The following RMND1 variants were observed in gnomAD, a reference collection of about 807,000 sequenced individuals.
RMND1 encodes required for meiotic nuclear division 1 homolog.
A neutral mutation model predicts 54.0 loss-of-function variants in RMND1; 41 were observed. The ratio of observed to expected loss-of-function variants is 0.76; its 90% CI spans 0.59 to 0.98. The LOEUF (loss-of-function observed/expected upper bound fraction) is 0.98. RMND1 is among the 50% of genes least tolerant of loss of function. RMND1 has a pLI of 0.00. For missense variants in RMND1, 457 were observed against 532.0 expected (o/e 0.86, Z 1.39); for synonymous variants, 183 against 181.7 (o/e 1.01, Z -0.06).
chr6:151,446,614 T>C (rs1031240510), intron 1 of RMND1, among the ~76,000 whole-genome samples: 1 of 151,650 alleles, frequency 6.6e-6, no homozygotes, highest in Non-Finnish European at 1.5e-5. Flanking sequence ...AAAGTTAGCC[T>C]ATAGTAGGCC....
intron 1 of RMND1, among the ~76,000 whole-genome samples, chr6:151,450,619 A>G (rs1232956074): frequency 6.8e-6 from 1 of 146,450 alleles, no homozygotes; most frequent in African/African-American, 2.6e-5. Context: ...CCCGTCCGGG[A>G]GGTGAGGGGC....
chr6:151,450,961 G>A (rs1053242040), intron 1 of RMND1, among the ~76,000 whole-genome samples: 2 of 152,050 alleles, frequency 1.3e-5, no homozygotes, highest in African/African-American at 4.8e-5. Context: ...ATGGATTAAG[G>A]GCGGTGCAAG....
intron 5 of RMND1, among the ~76,000 whole-genome samples, chr6:151,428,188 G>A (rs1562792497): frequency 6.6e-6 from 1 of 152,266 alleles, no homozygotes; most frequent in East Asian, 1.9e-4. Flanking sequence ...AGGTGTGGGA[G>A]GTGATCATCT....
chr6:151,446,807 T>C (rs1780965123), intron 1 of RMND1, among the ~76,000 whole-genome samples: 1 of 151,498 alleles, frequency 6.6e-6, no homozygotes, highest in South Asian at 2.1e-4. Context: ...GTGGCTGAGA[T>C]ATAGAATCGT....
intron 3 of RMND1, 110 bp downstream of exon 3, chr6:151,436,336 A>T: frequency 8.0e-7 from 1 of 1,249,914 alleles, no homozygotes; most frequent in South Asian, 1.4e-5. Flanking sequence ...TTATGATACA[A>T]TCCTTTCAAA....
chr6:151,408,856 AAG>A (rs1779715223), intron 10 of RMND1: 1 of 152,222 alleles, frequency 6.6e-6, no homozygotes, highest in Admixed American at 6.5e-5. Flanking sequence ...GCAGTCTCCA[AAG>A]AGGAATCAAC....
chr6:151,439,751 C>T (rs1051894024), intron 2 of RMND1, among the ~76,000 whole-genome samples: 5 of 152,166 alleles, frequency 3.3e-5, no homozygotes, highest in African/African-American at 1.2e-4. Context: ...CCTCTGCCTC[C>T]CCGGTTCAAG....
intron 8 of RMND1, 104 bp from the exon 9 acceptor site, chr6:151,421,425 T>C: frequency 1.4e-6 from 1 of 695,888 alleles, no homozygotes; most frequent in Non-Finnish European, 2.5e-6. Context: ...TTGGATCCTA[T>C]GTAAATATTT....
chr6:151,441,597 T>G (rs1780777429), intron 2 of RMND1, among the ~76,000 whole-genome samples: 1 of 151,978 alleles, frequency 6.6e-6, no homozygotes, highest in Non-Finnish European at 1.5e-5. Flanking sequence ...GGAGATTGAG[T>G]TAATCATTAA....
rs538832680 is a variant in RMND1, at chr6:151,439,659, TTTA to T, written c.505-3108_505-3106del. 1.5e-4 allele frequency among the ~76,000 whole-genome samples: 23 copies of T among 152,298 alleles called. No homozygotes were observed. The South Asian group carries it at 4.8e-3, about 32-fold the overall frequency. ...ATTATTATTTTATTCTGTTTTTTAC[TTTA>T]TTATTATTATATTTTTGAGACAGTT... On this transcript the variant is annotated intron_variant, in intron 2 of 11. Transcript: ENST00000444024.
intron 10 of RMND1, among the ~76,000 whole-genome samples, chr6:151,416,127 C>G (rs569079492): frequency 1.3e-5 from 2 of 150,658 alleles, no homozygotes; most frequent in Non-Finnish European, 1.5e-5. Flanking sequence ...TACAGGCACG[C>G]GCCACCACAC....
intron 7 of RMND1, among the ~76,000 whole-genome samples, chr6:151,422,905 G>T (rs1421771967): frequency 6.6e-6 from 1 of 152,058 alleles, no homozygotes; most frequent in Non-Finnish European, 1.5e-5. Flanking sequence ...TTGATACCAT[G>T]GGTAGCTCTG....
intron 1 of RMND1, 158 bp from the exon 2 acceptor site, chr6:151,445,983 A>G: frequency 1.5e-6 from 1 of 682,158 alleles, no homozygotes; most frequent in Non-Finnish European, 2.3e-6. Context: ...AAATATAAGT[A>G]CAGTGTTTCT....
Position 151,405,267 on chromosome 6 carries a change from C to A in RMND1, c.1318G>T (p.Val440Leu). Residue 440 changes from valine (V) to leucine (L), a missense_variant and splice_region_variant, in exon 12 of 12, where the codon GTA becomes TTA. Physicochemically the swap from Val to Leu is conservative, Grantham distance 32. Coordinates refer to ENST00000444024, the MANE Select transcript of RMND1 (RefSeq NM_017909.4). ...AATACTCGTCCCAGCTCAAACATTA[C>A]CTTAGAATAGAAAGTGAGAATTATT... is the stretch of plus-strand genomic sequence containing the variant. ...WMIVILITIE[V>L]MFELGRVFF The A allele has an allele frequency of 6.2e-7, 1 of 1,612,310 alleles. No homozygotes were observed. The highest frequency in any genetic ancestry group is 8.5e-7 in the Non-Finnish European group (1 of 1,178,574).
At chr6:151,436,911 A>G (rs1562796963) in intron 2 of RMND1, 2 of 165,346 alleles carry the variant, frequency 1.2e-5, no homozygotes, top group African/African-American at 4.8e-5. Flanking sequence ...AAGTCTCTCC[A>G]ACCCTGAGTT....
chr6:151,447,442 T>G (rs1780989293), intron 1 of RMND1, among the ~76,000 whole-genome samples: 1 of 152,182 alleles, frequency 6.6e-6, no homozygotes, highest in Non-Finnish European at 1.5e-5. Context: ...TTTCACTGAT[T>G]AGGAAACTGA....
intron 1 of RMND1, chr6:151,446,136 G>C (rs543944576): frequency 8.0e-5 from 19 of 237,076 alleles, no homozygotes; most frequent in Admixed American, 3.1e-4. Context: ...ATAAAAATCT[G>C]TGCTGGCCAG....
chr6:151,436,860 AGAT>A (rs1780630644), intron 2 of RMND1: 1 of 210,490 alleles, frequency 4.8e-6, no homozygotes, highest in Admixed American at 5.3e-5. Context: ...TGCAAAATAG[AGAT>A]GATTAAGGCA....
Position 151,410,347 on chromosome 6 carries a change from ACCCGGC to A in RMND1, c.1201-4517_1201-4512del, listed in dbSNP as rs934278319. Among the ~76,000 whole-genome samples, 66 of 152,100 alleles carry A rather than the reference ACCCGGC, an allele frequency of 4.3e-4. 2 individuals carry two copies. The East Asian group carries it at 0.012, about 28-fold the overall frequency. On this transcript the variant is annotated intron_variant, in intron 10 of 11. Coordinates refer to ENST00000444024, the MANE Select transcript of RMND1 (RefSeq NM_017909.4). ...TGGGATTACAGGCATGAGCCACCGCACCCGGCCTGTTCCATCTGTTTTCTTAGAAGA... is the reference window on the plus strand; with the variant it reads ...TGGGATTACAGGCATGAGCCACCGCACTGTTCCATCTGTTTTCTTAGAAGA...
Sources: allele counts gnomAD v4.1 joint callset (sites outside exome capture counted in the v4.1 genomes callset), GRCh38; gene constraint gnomAD v4.1.1; transcripts MANE v1.5; gene names NCBI Gene and HGNC (gene_info 2026-07-23, HGNC 2026-07-21).